TXNL4A: variants seen among roughly 807,000 people sequenced by gnomAD.
TXNL4A encodes the protein thioredoxin like 4A, also known as thioredoxin-like protein 4A.
A neutral mutation model predicts 14.6 loss-of-function variants in TXNL4A; 17 were observed. That is an observed-to-expected ratio of 1.16 (90% CI 0.80 to 1.74). The LOEUF (loss-of-function observed/expected upper bound fraction) is 1.74. Among genes scored for constraint, TXNL4A ranks in the 40% most tolerant of loss-of-function variants. The pLI, the probability that TXNL4A is intolerant of heterozygous loss-of-function variation, is 0.00. For synonymous variants in TXNL4A, 83 were observed against 70.6 expected, an observed-to-expected ratio of 1.18 and a Z score of -0.88; for missense variants, 74 against 195.2, an observed-to-expected ratio of 0.38 and a Z score of 3.70.
At chr18:80,017,442 A>G (rs1384399005) in intron 1 of TXNL4A, among the ~76,000 whole-genome samples, 4 of 151,732 alleles carry the variant, frequency 2.6e-5, no homozygotes, top group African/African-American at 4.8e-5. Context: ...TCTTGTGCCA[A>G]TTTTCAAAGG....
intron 1 of TXNL4A, among the ~76,000 whole-genome samples, chr18:80,020,167 G>A (rs963701660): frequency 5.9e-5 from 9 of 152,190 alleles, no homozygotes; most frequent in Non-Finnish European, 8.8e-5. Context: ...CACCATCCAC[G>A]TAAGATGTGA....
At chr18:80,021,395 T>A (rs1008789345) in intron 1 of TXNL4A, among the ~76,000 whole-genome samples, 1 of 152,122 alleles carries the variant, frequency 6.6e-6, no homozygotes, top group Admixed American at 6.5e-5. Context: ...GCCAGGATGG[T>A]CTTGATCTCC....
rs191568683 is a variant in TXNL4A, at chr18:80,023,158, G to A, written c.-61+10693C>T. 5.3e-5 allele frequency among the ~76,000 whole-genome samples: 8 copies of A among 152,242 alleles called. No individual in the cohort carries two copies. In the East Asian group the frequency reaches 9.6e-4, roughly 18 times the overall value. ...CCCATTGTCATTGAATGCAGAACAG[G>A]TGCCTTAAAAGAACATAAGAATTGA... is the stretch of plus-strand genomic sequence containing the variant. On this transcript the variant is annotated intron_variant, in intron 1 of 2. Transcript: ENST00000585474.
intron 1 of TXNL4A, among the ~76,000 whole-genome samples, chr18:80,015,161 C>A (rs2051798585): frequency 1.3e-5 from 2 of 151,886 alleles, no homozygotes; most frequent in African/African-American, 4.8e-5. Context: ...CTATGACGTG[C>A]CCTGGAGACA....
intron 1 of TXNL4A, among the ~76,000 whole-genome samples, chr18:80,018,643 T>A (rs1599752914): frequency 6.6e-6 from 1 of 152,076 alleles, no homozygotes; most frequent in Non-Finnish European, 1.5e-5. Context: ...ATAAAAATGA[T>A]AAAGGGGATA....
intron 1 of TXNL4A, among the ~76,000 whole-genome samples, chr18:80,016,603 CATTT>C (rs1388884560): frequency 1.3e-5 from 2 of 152,178 alleles, no homozygotes; most frequent in Non-Finnish European, 2.9e-5. Flanking sequence ...TTCCCAGCAC[CATTT>C]ATTAAATAGG....
intron 1 of TXNL4A, among the ~76,000 whole-genome samples, chr18:80,006,928 C>T (rs564375279): frequency 2.0e-5 from 3 of 152,160 alleles, no homozygotes; most frequent in East Asian, 1.9e-4. Flanking sequence ...AGTCTCTACG[C>T]GCCAGGCGCC....
intron 2 of TXNL4A, among the ~76,000 whole-genome samples, chr18:79,974,236 G>A (rs1486973247): frequency 6.6e-6 from 1 of 152,132 alleles, no homozygotes; most frequent in Non-Finnish European, 1.5e-5. Flanking sequence ...AACAAAATGA[G>A]ACCCCCATCT....
intron 1 of TXNL4A, chr18:79,979,484 G>A (rs2051430736): frequency 6.6e-6 from 1 of 152,178 alleles, no homozygotes; most frequent in South Asian, 2.1e-4. Flanking sequence ...GCTGTCCTCG[G>A]GGTAGTGAGC....
upstream of TXNL4A, among the ~76,000 whole-genome samples, chr18:79,992,219 G>C (rs1599735694): frequency 6.6e-6 from 1 of 152,320 alleles, no homozygotes; most frequent in Admixed American, 6.5e-5. Context: ...GGTCATACTG[G>C]TAGGTATAAA....
At chr18:80,019,233 G>A (rs1220391261) in intron 1 of TXNL4A, among the ~76,000 whole-genome samples, 2 of 152,184 alleles carry the variant, frequency 1.3e-5, no homozygotes, top group East Asian at 3.8e-4. Context: ...CTAGGAACAA[G>A]AAAAGGTTTA....
rs1599736857 is a variant in TXNL4A at position 79,994,223 on chromosome 18, T to C, written c.-60-16522A>G. Among the ~76,000 whole-genome samples, 5 of 152,306 alleles carry C rather than the reference T, an allele frequency of 3.3e-5. No homozygotes were observed. In the South Asian group the frequency reaches 1.0e-3, roughly 32 times the overall value. Reference sequence around the variant, plus strand: ...TAGTTCTAAGTTACAATGGCCTAAATGGGGATCTTTTGAGATGCCCAATTT... The same window carrying C: ...TAGTTCTAAGTTACAATGGCCTAAACGGGGATCTTTTGAGATGCCCAATTT... On this transcript the variant is annotated intron_variant, in intron 1 of 2. Coordinates refer to the TXNL4A transcript ENST00000585474.
chr18:79,996,812 G>A (rs187793650), intron 1 of TXNL4A, among the ~76,000 whole-genome samples: 4 of 152,034 alleles, frequency 2.6e-5, no homozygotes, highest in African/African-American at 7.2e-5. Context: ...GCGTGGTAGC[G>A]CATGCCTGTA....
chr18:79,974,006 G>C (rs2051341059), intron 2 of TXNL4A, 150 bp from the exon 3 acceptor site: 7 of 1,037,612 alleles, frequency 6.7e-6, no homozygotes, highest in Non-Finnish European at 8.2e-6. Context: ...CATGATGCAG[G>C]AGAATACAGG....
intron 1 of TXNL4A, chr18:79,979,668 A>T (rs755574949): frequency 2.0e-5 from 3 of 152,448 alleles, no homozygotes; most frequent in Non-Finnish European, 4.4e-5. Flanking sequence ...TTCTTTTCTC[A>T]TAAGTTACCC....
chr18:79,977,250 G>A (rs1162582514), intron 2 of TXNL4A: 1 of 317,408 alleles, frequency 3.2e-6, no homozygotes, highest in Non-Finnish European at 5.8e-6. Context: ...TTGAGCCACT[G>A]TGCCCGGCCT....
In TXNL4A at chr18:80,013,186, G is replaced by C. The variant is rs190703386; in HGVS notation, c.-61+20665C>G. 5.4e-3 allele frequency among the ~76,000 whole-genome samples: 801 copies of C among 148,526 alleles called. 6 individuals carry two copies. Among genetic ancestry groups the C allele is most frequent in the Non-Finnish European group, 8.4e-3 (566 of 67,358 alleles). The stretch of plus-strand genomic sequence containing the variant: ...CCCAGGCTGGAGCACAGTGGCGCGC[G>C]ATCTTGGCTCACTGCAAGCTCCGCC... On this transcript the variant is annotated intron_variant, in intron 1 of 2. Coordinates refer to the TXNL4A transcript ENST00000585474.
chr18:79,995,965 A>T (rs537086637), intron 1 of TXNL4A, among the ~76,000 whole-genome samples: 1 of 151,948 alleles, frequency 6.6e-6, no homozygotes, highest in East Asian at 1.9e-4. Flanking sequence ...TTAGCCGGGC[A>T]TGGTGGCGGG....
intron 2 of TXNL4A, among the ~76,000 whole-genome samples, chr18:79,975,140 G>A (rs1445846251): frequency 6.6e-6 from 1 of 152,110 alleles, no homozygotes; most frequent in South Asian, 2.1e-4. Flanking sequence ...TGACCTGGGT[G>A]TACTTCTTCG....
Sources: allele counts gnomAD v4.1 joint callset (sites outside exome capture counted in the v4.1 genomes callset), GRCh38; gene constraint gnomAD v4.1.1; transcripts MANE v1.5; gene names NCBI Gene and HGNC (gene_info 2026-07-23, HGNC 2026-07-21).